Variants in MUSK observed in about 807,000 individuals in gnomAD.
MUSK encodes the protein muscle associated receptor tyrosine kinase.
Under a neutral mutation model 88.7 loss-of-function variants are expected in MUSK, and 55 were observed. The observed-to-expected ratio is 0.62, with a 90% CI of 0.50 to 0.78. MUSK has a LOEUF of 0.78. MUSK is among the 30% of genes least tolerant of loss of function. The probability of loss-of-function intolerance (pLI) is 0.00; values close to 1 mark genes in which losing one functional copy is unlikely to be tolerated. For synonymous variants in MUSK, 387 were observed against 391.9 expected, an observed-to-expected ratio of 0.99 and a Z score of 0.15; for missense variants, 1,015 against 1,074.3, an observed-to-expected ratio of 0.94 and a Z score of 0.77.
Position 110,690,453 on chromosome 9 carries a change from TATATATTTAAATATAAGTATATATATAA to T in MUSK, c.358+3192_358+3219del, listed in dbSNP as rs1433220986. ...ATATTTCAATATAAGTATATATAAA[TATATATTTAAATATAAGTATATATATAA>T]ATATATATTTAAATATAAGTATATA... On this transcript the variant is annotated intron_variant, in intron 3 of 14. Coordinates refer to ENST00000374448, the MANE Select transcript of MUSK (RefSeq NM_005592.4). 6.9e-4 allele frequency among the ~76,000 whole-genome samples: 79 copies of T among 114,080 alleles called. 12 individuals carry two copies. The highest frequency in any genetic ancestry group is 8.5e-4 in the Non-Finnish European group (53 of 62,272). 74.8% of individuals were successfully genotyped at this position (114,080 alleles called of 152,430 possible).
chr9:110,741,007 A>G (rs1273209230), intron 6 of MUSK, among the ~76,000 whole-genome samples: 2 of 152,142 alleles, frequency 1.3e-5, no homozygotes, highest in Non-Finnish European at 2.9e-5. Flanking sequence ...GATGATCATC[A>G]AAGGGTACAA....
chr9:110,689,683 C>CTATATATATATATAAATATATAAT (rs1491505659), intron 3 of MUSK, among the ~76,000 whole-genome samples: 1 of 61,452 alleles, frequency 1.6e-5, no homozygotes, highest in Non-Finnish European at 2.6e-5. Flanking sequence ...TTATATATAA[C>CTATATATATATATAAATATATAAT]TATATATAGT....
chr9:110,711,917 G>A lies in MUSK; in HGVS notation c.628+14451G>A, dbSNP rs546932300. On this transcript the variant is annotated intron_variant, in intron 5 of 14. Coordinates refer to ENST00000374448, the MANE Select transcript of MUSK (RefSeq NM_005592.4). ...CCAATTCTGTGGGAGCTGTTTTAAAGCTTTATAAATTGTAGATAACTGGCA... is the reference window on the plus strand; with the variant it reads ...CCAATTCTGTGGGAGCTGTTTTAAAACTTTATAAATTGTAGATAACTGGCA... 4.6e-4 allele frequency among the ~76,000 whole-genome samples: 70 copies of A among 152,274 alleles called. 3 individuals are homozygous for A. The Middle Eastern group carries it at 0.014, about 30-fold the overall frequency.
rs546667165 is a variant in MUSK at position 110,801,340 on chromosome 9, T to A, written c.*352T>A. ...AGCTCTGCTGTATTAAATTTTAATA[T>A]GAAATGGGATTCAGAGCTTCATTTT... On this transcript the variant is annotated 3_prime_UTR_variant, in exon 15 of 15. Transcript: ENST00000374448. The A allele has an allele frequency of 9.2e-4, 160 of 174,514 alleles. No individual in the cohort carries two copies. Among genetic ancestry groups the A allele is most frequent in the African/African-American group, 3.7e-3 (156 of 42,576 alleles). The allele number at this position is 174,514 out of a possible 1,614,324, so 10.8% of individuals were successfully genotyped here. A position where few individuals can be genotyped will look rare whatever the true frequency, so the allele number is the denominator to read the frequency against.
Position 110,687,233 on chromosome 9 carries a change from C to G in MUSK, c.323C>G (p.Ala108Gly). 1 of 1,613,770 alleles carries G rather than the reference C, an allele frequency of 6.2e-7. No individual in the cohort carries two copies. The highest frequency in any genetic ancestry group is 1.1e-5 in the South Asian group (1 of 91,082). ...ACGGCCAACAATGGTGTGGGAGGAG[C>G]TGTGGAGAGTTGTGGAGCCCTGCAA... ...CCTANNGVGG[A>G]VESCGALQVK... Residue 108 changes from alanine to glycine, a missense_variant, in exon 3 of 15, where the codon GCT becomes GGT. By Grantham distance (60) the Ala-to-Gly change is moderately conservative. Coordinates refer to ENST00000374448, the MANE Select transcript of MUSK (RefSeq NM_005592.4).
intron 7 of MUSK, among the ~76,000 whole-genome samples, chr9:110,750,120 C>G (rs2077229464): frequency 6.6e-6 from 1 of 152,028 alleles, no homozygotes; most frequent in Non-Finnish European, 1.5e-5. Flanking sequence ...TATGAATACT[C>G]CATCCAAGAA....
chr9:110,671,732 C>A (rs923961868), intron 1 of MUSK, among the ~76,000 whole-genome samples: 2 of 152,150 alleles, frequency 1.3e-5, no homozygotes, highest in Non-Finnish European at 2.9e-5. Context: ...CAATGTTCCA[C>A]TGGATAATTG....
intron 11 of MUSK, among the ~76,000 whole-genome samples, chr9:110,781,543 T>C (rs2077760703): frequency 6.6e-6 from 1 of 152,192 alleles, no homozygotes; most frequent in East Asian, 1.9e-4. Context: ...CCCAAAGTGC[T>C]GGGATTACAG....
intron 7 of MUSK, among the ~76,000 whole-genome samples, chr9:110,752,815 A>T (rs781413813): frequency 1.3e-5 from 2 of 152,238 alleles, no homozygotes; most frequent in Admixed American, 6.5e-5. Context: ...GTGTCTGCCC[A>T]AATCCTTATG....
chr9:110,804,748 T>C lies in MUSK; in HGVS notation c.*3760T>C, dbSNP rs1013210111. ...AAAAGAAAAATAATATGCAATAATATACAATAATATGTATAATCATAATAG... is the reference window on the plus strand; with the variant it reads ...AAAAGAAAAATAATATGCAATAATACACAATAATATGTATAATCATAATAG... On this transcript the variant is annotated 3_prime_UTR_variant, in exon 15 of 15. Coordinates refer to ENST00000374448, the MANE Select transcript of MUSK (RefSeq NM_005592.4). 2.0e-5 allele frequency among the ~76,000 whole-genome samples: 3 copies of C among 151,830 alleles called. No homozygotes were observed. Among genetic ancestry groups the C allele is most frequent in the African/African-American group, 7.2e-5 (3 of 41,410 alleles).
At chr9:110,687,724 C>G (rs1425240689) in intron 3 of MUSK, among the ~76,000 whole-genome samples, 1 of 152,082 alleles carries the variant, frequency 6.6e-6, no homozygotes, top group East Asian at 1.9e-4. Flanking sequence ...TCAAGCACAA[C>G]CCTGAGGCCA....
At chr9:110,789,378 G>T (rs1025771228) in intron 14 of MUSK, among the ~76,000 whole-genome samples, 3 of 152,208 alleles carry the variant, frequency 2.0e-5, no homozygotes, top group African/African-American at 7.2e-5. Flanking sequence ...AGATAGTATC[G>T]AAGTATTTGG....
intron 7 of MUSK, among the ~76,000 whole-genome samples, chr9:110,754,224 T>C (rs1349156066): frequency 6.6e-6 from 1 of 152,224 alleles, no homozygotes; most frequent in Non-Finnish European, 1.5e-5. Flanking sequence ...TGTTCTGCAG[T>C]TAGGCATAAA....
intron 2 of MUSK, among the ~76,000 whole-genome samples, chr9:110,683,893 T>A (rs924695737): frequency 2.0e-5 from 3 of 152,188 alleles, no homozygotes; most frequent in Non-Finnish European, 4.4e-5. Context: ...CTTTGTCAGA[T>A]GGGTAGTTTG....
chr9:110,759,927 T>C (rs2077374640), intron 7 of MUSK, among the ~76,000 whole-genome samples: 1 of 152,054 alleles, frequency 6.6e-6, no homozygotes. Context: ...TCCCAGCTGC[T>C]TGGGAGGCTG....
intron 5 of MUSK, among the ~76,000 whole-genome samples, chr9:110,721,573 C>G (rs2076811260): frequency 6.6e-6 from 1 of 152,088 alleles, no homozygotes; most frequent in African/African-American, 2.4e-5. Context: ...CTACAAAATA[C>G]TGCTGAAAGA....
chr9:110,803,832 G>T lies in MUSK; in HGVS notation c.*2844G>T, dbSNP rs1293863333. ...CAATATTGTTTACTTTTTTAAATAA[G>T]ATTTTTTTTCATGGTAGAATCATCA... is the stretch of plus-strand genomic sequence containing the variant. On this transcript the variant is annotated 3_prime_UTR_variant, in exon 15 of 15. Transcript: ENST00000374448. 6.6e-6 allele frequency among the ~76,000 whole-genome samples: 1 copy of T among 151,964 alleles called. No individual in the cohort carries two copies. Among genetic ancestry groups the T allele is most frequent in the African/African-American group, 2.4e-5 (1 of 41,352 alleles).
chr9:110,763,296 C>T (rs1418420281), intron 8 of MUSK, among the ~76,000 whole-genome samples: 1 of 151,962 alleles, frequency 6.6e-6, no homozygotes, highest in Non-Finnish European at 1.5e-5. Flanking sequence ...CAAAAATTCT[C>T]AGTTCAAAAA....
chr9:110,678,916 T>C (rs1293905413), intron 1 of MUSK, among the ~76,000 whole-genome samples: 1 of 152,108 alleles, frequency 6.6e-6, no homozygotes, highest in African/African-American at 2.4e-5. Context: ...GCTATCTTTT[T>C]ATTGTCTATT....
Sources: gnomAD v4.1 joint callset for allele counts (sites outside exome capture counted in the v4.1 genomes callset) on GRCh38, gnomAD v4.1.1 for gene constraint, MANE v1.5 for transcripts, NCBI Gene and HGNC (gene_info 2026-07-23, HGNC 2026-07-21) for gene names.